The following STRN variants were observed in gnomAD, a reference collection of about 807,000 sequenced individuals.
STRN encodes the protein protein phosphatase 2 regulatory subunit B'''alpha.
A neutral mutation model predicts 96.3 loss-of-function variants in STRN; 53 were observed. The observed-to-expected ratio is 0.55, with a 90% CI of 0.44 to 0.69. STRN has a LOEUF of 0.69. Ranked by LOEUF, STRN falls within the 30% of genes least tolerant of loss-of-function variation. The probability of loss-of-function intolerance (pLI) is 0.00; values close to 1 mark genes in which losing one functional copy is unlikely to be tolerated. For synonymous variants in STRN, 428 were observed against 355.9 expected, an observed-to-expected ratio of 1.20 and a Z score of -2.28; for missense variants, 987 against 963.9, an observed-to-expected ratio of 1.02 and a Z score of -0.32.
At chr2:36,867,380 A>G (rs1668656300) in intron 12 of STRN, 1 of 153,482 alleles carries the variant, frequency 6.5e-6, no homozygotes, top group Non-Finnish European at 1.4e-5. Flanking sequence ...GTCTCAAAAA[A>G]AAAAAGAAAA....
At chr2:36,881,115 CTTCT>C (rs1189678987) in intron 9 of STRN, among the ~76,000 whole-genome samples, 6 of 129,710 alleles carry the variant, frequency 4.6e-5, no homozygotes, top group African/African-American at 1.4e-4. Flanking sequence ...GTGACACTGC[CTTCT>C]TTTTTTTTTT....
At position 36,844,379 on chromosome 2, in the gene STRN, G is replaced by A. The variant is rs1668015869; in HGVS notation, c.*5077C>T. 6.6e-6 allele frequency: 1 copy of A among 152,094 alleles called. No homozygotes were observed. The highest frequency in any genetic ancestry group is 1.5e-5 in the Non-Finnish European group (1 of 68,008). 9.4% of individuals were successfully genotyped at this position (152,094 alleles called of 1,614,324 possible). A position where few individuals can be genotyped will look rare whatever the true frequency, so the allele number is the denominator to read the frequency against. On this transcript the variant is annotated 3_prime_UTR_variant, in exon 18 of 18. Coordinates refer to ENST00000263918, the MANE Select transcript of STRN (RefSeq NM_003162.4). The stretch of plus-strand genomic sequence containing the variant: ...AGTCAATTAAAATACCATTCTCTGA[G>A]ACATTTTCAGAGAGGAGCTAACTAA...
chr2:36,877,788 G>T, intron 10 of STRN, 103 bp downstream of exon 10: 2 of 1,316,762 alleles, frequency 1.5e-6, no homozygotes, highest in Non-Finnish European at 2.1e-6. Flanking sequence ...CGCCCACCTC[G>T]GCCTCCCAAA....
intron 4 of STRN, among the ~76,000 whole-genome samples, chr2:36,903,452 G>T (rs1669741331): frequency 1.3e-5 from 2 of 152,054 alleles, no homozygotes; most frequent in Non-Finnish European, 2.9e-5. Context: ...ACCTAATATT[G>T]TACCTGGCAT....
At chr2:36,915,616 C>T (rs1054263718) in intron 3 of STRN, among the ~76,000 whole-genome samples, 2 of 152,046 alleles carry the variant, frequency 1.3e-5, no homozygotes, top group African/African-American at 2.4e-5. Flanking sequence ...CAAGAAAGAC[C>T]AAAACAGTTT....
chr2:36,938,550 G>A (rs1374281866), intron 1 of STRN, among the ~76,000 whole-genome samples: 2 of 152,166 alleles, frequency 1.3e-5, no homozygotes, highest in African/African-American at 4.8e-5. Context: ...TACTGGGTAA[G>A]TAAGTAGCAG....
At chr2:36,885,555 T>C (rs1457957288) in intron 8 of STRN, among the ~76,000 whole-genome samples, 1 of 152,184 alleles carries the variant, frequency 6.6e-6, no homozygotes, top group African/African-American at 2.4e-5. Context: ...TATCTTGAGA[T>C]AGCATTACAA....
intron 15 of STRN, among the ~76,000 whole-genome samples, chr2:36,852,167 C>T (rs1232487345): frequency 6.6e-6 from 1 of 152,138 alleles, no homozygotes; most frequent in African/African-American, 2.4e-5. Flanking sequence ...CCTAAATGAT[C>T]ACACATTCTT....
chr2:36,917,276 C>A (rs1657020577), intron 2 of STRN, among the ~76,000 whole-genome samples: 1 of 151,452 alleles, frequency 6.6e-6, no homozygotes, highest in East Asian at 1.9e-4. Flanking sequence ...AATCCTAACA[C>A]TTTGGGAGGC....
rs543627463 is a variant in STRN, at chr2:36,883,814, T to C, written c.1186+118A>G. ...GAAAGCTTGCATTTGGGGAAAACTA[T>C]GCAGATCAAACATCTGCAGAATAAA... On this transcript the variant is annotated intron_variant, in intron 9 of 17. Transcript: ENST00000263918. The C allele has an allele frequency of 2.1e-5, 21 of 1,000,346 alleles. 1 individual carries two copies. Among genetic ancestry groups the C allele is most frequent in the African/African-American group, 1.5e-4 (9 of 60,214 alleles). The allele number at this position is 1,000,346 out of a possible 1,614,324, so 62.0% of individuals were successfully genotyped here. A position where few individuals can be genotyped will look rare whatever the true frequency, so the allele number is the denominator to read the frequency against.
In STRN at chr2:36,916,060, C is replaced by T; in HGVS notation, c.412+18G>A. 1 of 1,599,870 alleles carries T rather than the reference C, an allele frequency of 6.3e-7. No homozygotes were observed. ...TAACTTCTTTTTAACACTTAAACTTCCATTAAAATTAGCTTACCAGAATCA... is the reference window on the plus strand; with the variant it reads ...TAACTTCTTTTTAACACTTAAACTTTCATTAAAATTAGCTTACCAGAATCA... On this transcript the variant is annotated intron_variant, in intron 3 of 17. Coordinates refer to ENST00000263918, the MANE Select transcript of STRN (RefSeq NM_003162.4).
chr2:36,943,553 C>T (rs991397972), intron 1 of STRN, among the ~76,000 whole-genome samples: 2 of 151,992 alleles, frequency 1.3e-5, no homozygotes, highest in East Asian at 3.9e-4. Flanking sequence ...ACTTGTAATC[C>T]CAGCACTTCG....
rs540464836 is a variant in STRN at position 36,845,291 on chromosome 2, T to C, written c.*4165A>G. On this transcript the variant is annotated 3_prime_UTR_variant, in exon 18 of 18. Coordinates refer to ENST00000263918, the MANE Select transcript of STRN (RefSeq NM_003162.4). ...ACAAAATTAATTCTAAGCCTTTCAG[T>C]CTGATTTGTGACATCTTAATACAAT... The C allele has an allele frequency of 1.2e-4, 19 of 152,272 alleles. No homozygotes were observed. Among genetic ancestry groups the C allele is most frequent in the African/African-American group, 4.6e-4 (19 of 41,568 alleles). The allele number at this position is 152,272 out of a possible 1,614,324, so 9.4% of individuals were successfully genotyped here.
rs995229818 is a variant in STRN at position 36,890,928 on chromosome 2, C to T, written c.931+2970G>A. On this transcript the variant is annotated intron_variant, in intron 7 of 17. Transcript: ENST00000263918. ...TTCTTCCTCTCATAGGAAGCTCCAA[C>T]ATAAAAGCAAAATAATACACTACAG... is the stretch of plus-strand genomic sequence containing the variant. Among the ~76,000 whole-genome samples, 11 of 152,276 alleles carry T rather than the reference C, an allele frequency of 7.2e-5. No individual in the cohort carries two copies. In the South Asian group the frequency reaches 2.1e-3, roughly 29 times the overall value.
Position 36,917,806 on chromosome 2 carries a change from T to C in STRN, c.339-1655A>G, listed in dbSNP as rs74623727. Reference sequence around the variant, plus strand: ...TTACACGTATGTATGAAATATTTTATAGTAACATTTACACATTAAGAAGGA... The same window carrying C: ...TTACACGTATGTATGAAATATTTTACAGTAACATTTACACATTAAGAAGGA... On this transcript the variant is annotated intron_variant, in intron 2 of 17. Transcript: ENST00000263918. Among the ~76,000 whole-genome samples, 763 of 152,194 alleles carry C rather than the reference T, an allele frequency of 5.0e-3. 6 individuals are homozygous for C. Among genetic ancestry groups the C allele is most frequent in the South Asian group, 7.3e-3 (35 of 4,826 alleles).
chr2:36,886,890 A>G (rs191736379), intron 7 of STRN, 64 bp from the exon 8 acceptor site: 32 of 1,296,868 alleles, frequency 2.5e-5, no homozygotes, highest in South Asian at 6.1e-5. Context: ...CTGAGTCAGT[A>G]TGTCTGAATG....
At chr2:36,948,167 T>A (rs184231965) in intron 1 of STRN, among the ~76,000 whole-genome samples, 1 of 144,028 alleles carries the variant, frequency 6.9e-6, no homozygotes, top group African/African-American at 2.6e-5. Flanking sequence ...AGTGATGTGA[T>A]CTGGGCTCAC....
chr2:36,857,287 T>C (rs1247818871), intron 14 of STRN, among the ~76,000 whole-genome samples: 1 of 152,102 alleles, frequency 6.6e-6, no homozygotes, highest in Non-Finnish European at 1.5e-5. Context: ...CTCACTGAAA[T>C]GTATCCTTAA....
At chr2:36,855,499 A>G (rs1043512497) in intron 14 of STRN, 147 bp from the exon 15 acceptor site, 8 of 764,698 alleles carry the variant, frequency 1.0e-5, no homozygotes, top group Non-Finnish European at 1.6e-5. Flanking sequence ...ATAACTATTC[A>G]TTGGAGATTA....
Sources: allele counts gnomAD v4.1 joint callset (sites outside exome capture counted in the v4.1 genomes callset), GRCh38; gene constraint gnomAD v4.1.1; transcripts MANE v1.5; gene names NCBI Gene and HGNC (gene_info 2026-07-23, HGNC 2026-07-21).